The following ZNF69 variants were observed in gnomAD, a reference collection of about 807,000 sequenced individuals.
The protein encoded by ZNF69 is zinc finger protein 69.
ZNF69 carries 47 observed loss-of-function variants against 50.9 expected under a neutral mutation model. The ratio of observed to expected loss-of-function variants is 0.92; its 90% CI spans 0.73 to 1.18. The LOEUF (loss-of-function observed/expected upper bound fraction) is 1.18. ZNF69 is among the 50% of genes most tolerant of loss of function. The pLI, the probability that ZNF69 is intolerant of heterozygous loss-of-function variation, is 0.00. For synonymous variants in ZNF69, 216 were observed against 223.1 expected, an observed-to-expected ratio of 0.97 and a Z score of 0.29; for missense variants, 717 against 675.1, an observed-to-expected ratio of 1.06 and a Z score of -0.69.
the ZNF69 span, among the ~76,000 whole-genome samples, chr19:11,927,746 G>A: frequency 6.6e-6 from 1 of 152,238 alleles, no homozygotes; most frequent in African/African-American, 2.4e-5. Context: ...GGGACATCAG[G>A]ACATTCTATT....
chr19:11,977,514 C>A, the ZNF69 span: 1 of 1,493,080 alleles, frequency 6.7e-7, no homozygotes, highest in Non-Finnish European at 9.2e-7. Context: ...AAACAAAGAA[C>A]TAAGTCCAGT....
At position 11,887,943 on chromosome 19, in the gene ZNF69, G is replaced by A. The variant is rs1976986495; in HGVS notation, c.20G>A (p.Arg7Lys). The A allele has an allele frequency of 3.1e-6, 5 of 1,612,718 alleles. No individual in the cohort carries two copies. The highest frequency in any genetic ancestry group is 4.2e-6 in the Non-Finnish European group (5 of 1,179,014). The change falls in exon 1 of 4, where the codon AGG becomes AAG. Residue 7 changes from arginine to lysine, a missense_variant. Arg to Lys is a conservative substitution (Grantham distance 26, BLOSUM62 2). Coordinates refer to ENST00000429654, the MANE Select transcript of ZNF69 (RefSeq NM_001364730.1). MPCCSH[R>K]RCREDPGTSE... ...TACGCTATGCCCTGCTGTAGTCACA[G>A]GAGGTGTAGAGAGGACCCCGGGACA...
intron 1 of ZNF69, 55 bp downstream of exon 1, chr19:11,888,041 C>A: frequency 1.9e-6 from 3 of 1,561,846 alleles, no homozygotes; most frequent in Non-Finnish European, 2.6e-6. Flanking sequence ...CTGGACCGAC[C>A]GGAACCGACT....
At chr19:11,962,204 C>A in the ZNF69 span, among the ~76,000 whole-genome samples, 1 of 152,038 alleles carries the variant, frequency 6.6e-6, no homozygotes, top group African/African-American at 2.4e-5. Context: ...ATCACCTGAG[C>A]TCAGGAGTTC....
intron 1 of ZNF69, among the ~76,000 whole-genome samples, chr19:11,894,953 G>A (rs1013318766): frequency 6.6e-6 from 1 of 152,152 alleles, no homozygotes; most frequent in Non-Finnish European, 1.5e-5. Flanking sequence ...TGAAATTGAG[G>A]TTCACAGCGG....
In ZNF69 at chr19:11,889,592, A is replaced by G. The variant is rs182498482; in HGVS notation, c.63+1606A>G. 4.1e-4 allele frequency among the ~76,000 whole-genome samples: 63 copies of G among 152,288 alleles called. 1 individual carries two copies. The Middle Eastern group carries it at 0.01, about 25-fold the overall frequency. The stretch of plus-strand genomic sequence containing the variant: ...GCAATTCTCTAGCCTCAGCCTCCTG[A>G]GTAGCTGGGATTACAGGCACGCACC... On this transcript the variant is annotated intron_variant, in intron 1 of 3. Coordinates refer to ENST00000429654, the MANE Select transcript of ZNF69 (RefSeq NM_001364730.1).
At chr19:11,949,104 A>C in the ZNF69 span, 4 of 1,612,156 alleles carry the variant, frequency 2.5e-6, no homozygotes, top group Non-Finnish European at 3.4e-6. Context: ...CTGGAGAAAG[A>C]CCTTATAAAT....
At chr19:11,926,646 C>T in the ZNF69 span, 12 of 154,272 alleles carry the variant, frequency 7.8e-5, no homozygotes, top group African/African-American at 2.9e-4. Context: ...ACCTCAGCCT[C>T]CCAAAGTGCT....
At chr19:11,896,293 T>C (rs1972121500) in intron 1 of ZNF69, among the ~76,000 whole-genome samples, 1 of 148,710 alleles carries the variant, frequency 6.7e-6, no homozygotes, top group South Asian at 2.2e-4. Flanking sequence ...TATCTTTCCA[T>C]CTCTCTGATA....
At chr19:11,956,333 A>T in the ZNF69 span, among the ~76,000 whole-genome samples, 1 of 152,196 alleles carries the variant, frequency 6.6e-6, no homozygotes, top group African/African-American at 2.4e-5. Flanking sequence ...GAGCAATTAC[A>T]TGGTAGCGTA....
chr19:11,889,705 A>G (rs1443035701), intron 1 of ZNF69, among the ~76,000 whole-genome samples: 2 of 152,182 alleles, frequency 1.3e-5, no homozygotes, highest in Admixed American at 1.3e-4. Context: ...ACAGAGACGA[A>G]GTATAGGGAA....
the ZNF69 span, among the ~76,000 whole-genome samples, chr19:11,966,955 C>T: frequency 1.3e-5 from 2 of 152,142 alleles, no homozygotes; most frequent in Non-Finnish European, 2.9e-5. Flanking sequence ...AAAAGAGGTC[C>T]TCATCAGACC....
intron 1 of ZNF69, among the ~76,000 whole-genome samples, chr19:11,890,802 G>A (rs913240517): frequency 6.6e-6 from 1 of 152,142 alleles, no homozygotes; most frequent in South Asian, 2.1e-4. Context: ...TGAAGCCTCA[G>A]CTTTTATAAG....
At chr19:11,913,709 A>T (rs766942678) in exon 5 of ZNF69, 10 of 212,896 alleles carry the variant, frequency 4.7e-5, no homozygotes, top group Non-Finnish European at 6.4e-5. Flanking sequence ...TTTTTCATTC[A>T]GTCATAATAC....
In ZNF69 at chr19:11,906,285, G is replaced by A; in HGVS notation, c.*187G>A. The A allele has an allele frequency of 6.9e-7, 1 of 1,439,182 alleles. No individual in the cohort carries two copies. Among genetic ancestry groups the A allele is most frequent in the Non-Finnish European group, 9.1e-7 (1 of 1,103,782 alleles). 89.2% of individuals were successfully genotyped at this position (1,439,182 alleles called of 1,614,324 possible). On this transcript the variant is annotated 3_prime_UTR_variant, in exon 4 of 4. Transcript: ENST00000429654. ...TGAACAAAAGGCAGCAGAAACTTCT[G>A]CAGACTTAAATGTCCCTGTCTGACA... is the stretch of plus-strand genomic sequence containing the variant.
downstream of ZNF69, among the ~76,000 whole-genome samples, chr19:11,917,789 CTTTTT>C (rs74965943): frequency 9.0e-5 from 10 of 110,686 alleles, no homozygotes; most frequent in African/African-American, 3.9e-4. Context: ...CCACACCCTG[CTTTTT>C]TTTTTTTTTT....
the ZNF69 span, among the ~76,000 whole-genome samples, chr19:11,964,257 G>GCAGACGCCTT: frequency 6.6e-6 from 1 of 152,152 alleles, no homozygotes; most frequent in Non-Finnish European, 1.5e-5. Flanking sequence ...GAAGAGACGT[G>GCAGACGCCTT]CAGACGCCTT....
At chr19:11,933,505 T>G in the ZNF69 span, among the ~76,000 whole-genome samples, 2 of 147,782 alleles carry the variant, frequency 1.4e-5, no homozygotes, top group East Asian at 3.9e-4. Flanking sequence ...TCCCCTGTGC[T>G]CTTCCTAATC....
chr19:11,967,460 A>C, the ZNF69 span, among the ~76,000 whole-genome samples: 1 of 151,706 alleles, frequency 6.6e-6, no homozygotes, highest in Admixed American at 6.6e-5. Flanking sequence ...GCTGGAGTGC[A>C]GTGGCGCGAT....
Sources: gnomAD v4.1 joint callset for allele counts (sites outside exome capture counted in the v4.1 genomes callset) on GRCh38, gnomAD v4.1.1 for gene constraint, MANE v1.5 for transcripts, NCBI Gene and HGNC (gene_info 2026-07-23, HGNC 2026-07-21) for gene names.